ARHGAP44: variants seen among roughly 807,000 people sequenced by gnomAD.
ARHGAP44 encodes the protein rho GTPase-activating protein 44.
Under a neutral mutation model 106.8 loss-of-function variants are expected in ARHGAP44, and 43 were observed. That is an observed-to-expected ratio of 0.40 (90% CI 0.32 to 0.52). The LOEUF is 0.52. ARHGAP44 is among the 20% of genes least tolerant of loss of function. ARHGAP44 has a pLI of 0.48. For missense variants in ARHGAP44, 866 were observed against 1,050.5 expected, an observed-to-expected ratio of 0.82 and a Z score of 2.43; for synonymous variants, 439 against 410.3, an observed-to-expected ratio of 1.07 and a Z score of -0.85.
intron 16 of ARHGAP44, among the ~76,000 whole-genome samples, chr17:12,959,288 A>G (rs1027651499): frequency 2.6e-5 from 4 of 152,226 alleles, no homozygotes; most frequent in Non-Finnish European, 4.4e-5. Flanking sequence ...TGCATTCTTC[A>G]GAAGCATCCT....
At chr17:12,927,808 C>T (rs1190457436) in intron 6 of ARHGAP44, among the ~76,000 whole-genome samples, 1 of 152,178 alleles carries the variant, frequency 6.6e-6, no homozygotes, top group African/African-American at 2.4e-5. Context: ...TGTTTGTCCT[C>T]CTGATTACAG....
chr17:12,801,008 A>T (rs2034075861), intron 1 of ARHGAP44, among the ~76,000 whole-genome samples: 1 of 152,266 alleles, frequency 6.6e-6, no homozygotes, highest in Non-Finnish European at 1.5e-5. Context: ...AAGGAGCATA[A>T]AGTGAAATTT....
chr17:12,955,120 G>T (rs925171231), intron 13 of ARHGAP44, among the ~76,000 whole-genome samples: 1 of 152,178 alleles, frequency 6.6e-6, no homozygotes, highest in African/African-American at 2.4e-5. Context: ...TATGTGGCCT[G>T]TTGTGTCTGG....
chr17:12,835,864 T>C (rs2035222557), intron 1 of ARHGAP44, among the ~76,000 whole-genome samples: 1 of 152,200 alleles, frequency 6.6e-6, no homozygotes, highest in African/African-American at 2.4e-5. Flanking sequence ...TTGACTACTT[T>C]AGTTACCCCA....
intron 1 of ARHGAP44, among the ~76,000 whole-genome samples, chr17:12,814,157 A>G (rs1432399561): frequency 6.7e-6 from 1 of 149,850 alleles, no homozygotes; most frequent in African/African-American, 2.5e-5. Flanking sequence ...AGACTCTGAT[A>G]CACTCTCCTT....
chr17:12,847,863 G>A (rs2035618708), intron 1 of ARHGAP44, among the ~76,000 whole-genome samples: 1 of 152,148 alleles, frequency 6.6e-6, no homozygotes, highest in African/African-American at 2.4e-5. Context: ...AAGTAAATTA[G>A]GTTTTCTGTG....
intron 16 of ARHGAP44, among the ~76,000 whole-genome samples, chr17:12,966,644 G>A (rs1369471552): frequency 6.6e-6 from 1 of 152,186 alleles, no homozygotes; most frequent in Non-Finnish European, 1.5e-5. Context: ...GTCCCTGAAT[G>A]TGCACGCCTA....
At chr17:12,816,979 T>C (rs138289665) in intron 1 of ARHGAP44, among the ~76,000 whole-genome samples, 218 of 152,284 alleles carry the variant, frequency 1.4e-3, no homozygotes, top group African/African-American at 5.0e-3. Flanking sequence ...TCTTTTCTAG[T>C]GCTCGTGAAA....
chr17:12,975,810 A>AG (rs1341161239), intron 18 of ARHGAP44, among the ~76,000 whole-genome samples: 4 of 150,920 alleles, frequency 2.7e-5, no homozygotes, highest in African/African-American at 7.3e-5. Flanking sequence ...AAAAAAAAAA[A>AG]AAAAAAAGAA....
At chr17:12,901,928 A>G (rs1567676860) in intron 3 of ARHGAP44, among the ~76,000 whole-genome samples, 1 of 152,136 alleles carries the variant, frequency 6.6e-6, no homozygotes, top group Non-Finnish European at 1.5e-5. Context: ...ATTTGGCTTC[A>G]ACATTTACCA....
intron 8 of ARHGAP44, among the ~76,000 whole-genome samples, 167 bp downstream of exon 8, chr17:12,941,291 A>G (rs1205854744): frequency 1.3e-5 from 2 of 152,188 alleles, no homozygotes; most frequent in Non-Finnish European, 2.9e-5. Context: ...GGATTTCTCC[A>G]AAAACCTTAG....
intron 12 of ARHGAP44, among the ~76,000 whole-genome samples, chr17:12,950,863 C>G (rs1438274819): frequency 6.6e-6 from 1 of 152,090 alleles, no homozygotes; most frequent in Non-Finnish European, 1.5e-5. Context: ...CTCAACAACA[C>G]CATGAGGAAC....
intron 6 of ARHGAP44, among the ~76,000 whole-genome samples, chr17:12,926,477 T>C (rs2190701): frequency 1.3e-5 from 1 of 75,560 alleles, no homozygotes; most frequent in East Asian, 7.7e-4. Flanking sequence ...ATATATATAA[T>C]ATATATGTAT....
chr17:12,842,606 T>C (rs2150832792), intron 1 of ARHGAP44, among the ~76,000 whole-genome samples: 1 of 152,216 alleles, frequency 6.6e-6, no homozygotes, highest in South Asian at 2.1e-4. Context: ...TGTGGCCCAG[T>C]AAATTGCATT....
At chr17:12,883,729 A>G (rs1415363009) in intron 1 of ARHGAP44, among the ~76,000 whole-genome samples, 1 of 152,064 alleles carries the variant, frequency 6.6e-6, no homozygotes, top group Non-Finnish European at 1.5e-5. Flanking sequence ...CTGACCTTTG[A>G]TATTTGTTGA....
chr17:12,846,846 C>T (rs1308498831), intron 1 of ARHGAP44, among the ~76,000 whole-genome samples: 6 of 152,172 alleles, frequency 3.9e-5, no homozygotes, highest in South Asian at 2.1e-4. Context: ...TTTCATTTTG[C>T]GTGCACAGCA....
rs1403029479 is a variant in ARHGAP44 at position 12,903,140 on chromosome 17, A to AGAGTGTGTGT, written c.199-5756_199-5755insAGTGTGTGTG. 1.9e-4 allele frequency among the ~76,000 whole-genome samples: 11 copies of AGAGTGTGTGT among 57,594 alleles called. No individual in the cohort carries two copies. The East Asian group carries it at 4.9e-3, about 26-fold the overall frequency. 37.8% of individuals were successfully genotyped at this position (57,594 alleles called of 152,430 possible). A position where few individuals can be genotyped will look rare whatever the true frequency, so the allele number is the denominator to read the frequency against. ...AGAGAGAGAGAGGAGAGAGAGAGAGAGTGTGTGTGTGTGTGTGTGTGTGTG... is the reference window on the plus strand; with the variant it reads ...AGAGAGAGAGAGGAGAGAGAGAGAGAGAGTGTGTGTGTGTGTGTGTGTGTGTGTGTGTGTG... On this transcript the variant is annotated intron_variant, in intron 3 of 20. Transcript: ENST00000379672.
At chr17:12,907,829 C>G (rs2037600972) in intron 3 of ARHGAP44, among the ~76,000 whole-genome samples, 1 of 151,966 alleles carries the variant, frequency 6.6e-6, no homozygotes, top group African/African-American at 2.4e-5. Flanking sequence ...GGATATATAC[C>G]CAGGAGTGGA....
Position 12,888,470 on chromosome 17 carries a change from T to G in ARHGAP44, c.54-6470T>G, listed in dbSNP as rs189704699. Among the ~76,000 whole-genome samples, 3 of 152,342 alleles carry G rather than the reference T, an allele frequency of 2.0e-5. No individual in the cohort carries two copies. The East Asian group carries it at 5.8e-4, about 29-fold the overall frequency. On this transcript the variant is annotated intron_variant, in intron 1 of 20. Transcript: ENST00000379672. ...AACAAACTGCATATGACTTTCATTC[T>G]TTCAAATTAGTTGAGGTTTGTTTTG...
Sources: allele counts gnomAD v4.1 joint callset (sites outside exome capture counted in the v4.1 genomes callset), GRCh38; gene constraint gnomAD v4.1.1; transcripts MANE v1.5; gene names NCBI Gene and HGNC (gene_info 2026-07-23, HGNC 2026-07-21).